Variants in TSHR observed in about 807,000 individuals in gnomAD.
The protein encoded by TSHR is thyroid stimulating hormone receptor, also known as thyrotropin receptor.
A neutral mutation model predicts 64.1 loss-of-function variants in TSHR; 51 were observed. That is an observed-to-expected ratio of 0.80 (90% CI 0.64 to 1.01). The LOEUF (loss-of-function observed/expected upper bound fraction) is 1.01, where lower values mean the gene tolerates loss of function less well. Ranked by LOEUF, TSHR falls within the 50% of genes least tolerant of loss-of-function variation. The probability of loss-of-function intolerance (pLI) is 0.00; values close to 1 mark genes in which losing one functional copy is unlikely to be tolerated. For synonymous variants in TSHR, 361 were observed against 361.9 expected (o/e 1.00, Z 0.03); for missense variants, 877 against 942.8 (o/e 0.93, Z 0.91).
intron 1 of TSHR, among the ~76,000 whole-genome samples, chr14:80,980,866 A>G (rs1888130149): frequency 6.6e-6 from 1 of 152,152 alleles, no homozygotes; most frequent in Non-Finnish European, 1.5e-5. Flanking sequence ...CCAGGCCACT[A>G]TTCTTCAGCT....
chr14:80,981,574 G>A (rs1888171953), intron 1 of TSHR, among the ~76,000 whole-genome samples: 1 of 152,138 alleles, frequency 6.6e-6, no homozygotes, highest in Admixed American at 6.5e-5. Flanking sequence ...ATGTGAGCAG[G>A]CTGACATAGG....
rs1240983406 is a variant in TSHR, at chr14:81,143,519, C to G, written c.1461C>G (p.Asp487Glu). The G allele has an allele frequency of 6.2e-7, 1 of 1,613,768 alleles. No individual in the cohort carries two copies. Reference sequence around the variant, plus strand: ...CTGAGTACTACAACCATGCCATCGACTGGCAGACAGGCCCTGGGTGCAACA... The same window carrying G: ...CTGAGTACTACAACCATGCCATCGAGTGGCAGACAGGCCCTGGGTGCAACA... Reference protein sequence around the residue: ...THSEYYNHAIDWQTGPGCNTA... With the variant: ...THSEYYNHAIEWQTGPGCNTA... Residue 487 changes from aspartate (D) to glutamate (E), a missense_variant, in exon 10 of 10, where the codon GAC (aspartate) becomes GAG (glutamate). Coordinates refer to ENST00000298171, the MANE Select transcript of TSHR (RefSeq NM_000369.5).
intron 1 of TSHR, among the ~76,000 whole-genome samples, chr14:81,020,446 G>A (rs561897338): frequency 5.3e-5 from 8 of 152,296 alleles, no homozygotes; most frequent in African/African-American, 1.4e-4. Flanking sequence ...CAGATCAGCA[G>A]TGGCATTAGA....
chr14:80,965,289 A>G (rs1887244812), intron 1 of TSHR, among the ~76,000 whole-genome samples: 2 of 152,200 alleles, frequency 1.3e-5, no homozygotes, highest in Non-Finnish European at 2.9e-5. Flanking sequence ...TGCATTTATG[A>G]GAACAGTTTG....
intron 1 of TSHR, among the ~76,000 whole-genome samples, chr14:81,029,310 G>A (rs893878796): frequency 6.6e-6 from 1 of 151,760 alleles, no homozygotes; most frequent in Non-Finnish European, 1.5e-5. Context: ...TTAACTCAGT[G>A]TTATAAAACT....
intron 1 of TSHR, among the ~76,000 whole-genome samples, chr14:80,990,384 C>G (rs1401169496): frequency 1.3e-5 from 2 of 152,164 alleles, no homozygotes; most frequent in African/African-American, 2.4e-5. Flanking sequence ...TTTTTCCCAC[C>G]GATCAAAGTT....
chr14:81,005,753 AT>A (rs1263420491), intron 1 of TSHR, among the ~76,000 whole-genome samples: 1 of 152,194 alleles, frequency 6.6e-6, no homozygotes, highest in Non-Finnish European at 1.5e-5. Context: ...GTTTTCGGGT[AT>A]GACGTCAGTA....
At chr14:81,031,657 G>A (rs1310020812) in intron 1 of TSHR, among the ~76,000 whole-genome samples, 1 of 152,200 alleles carries the variant, frequency 6.6e-6, no homozygotes. Flanking sequence ...TAACCACAGA[G>A]GCAGTGGATC....
intron 1 of TSHR, among the ~76,000 whole-genome samples, chr14:80,991,348 G>A (rs1457912049): frequency 1.3e-5 from 2 of 152,142 alleles, no homozygotes; most frequent in South Asian, 2.1e-4. Flanking sequence ...CACCCTTCAA[G>A]AGCCTCTGAA....
chr14:81,043,256 A>T (rs1885009290), intron 1 of TSHR, among the ~76,000 whole-genome samples: 1 of 152,204 alleles, frequency 6.6e-6, no homozygotes, highest in Non-Finnish European at 1.5e-5. Context: ...ATATAAAATC[A>T]ATATTCAAAA....
At chr14:81,108,227 C>G in intron 7 of TSHR, 148 bp from the exon 8 acceptor site, 1 of 704,270 alleles carries the variant, frequency 1.4e-6, no homozygotes, top group Non-Finnish European at 2.4e-6. Context: ...TTTAAGTGCT[C>G]AAGCCAGAAG....
At chr14:81,072,048 C>A (rs909947809) in intron 3 of TSHR, among the ~76,000 whole-genome samples, 2 of 152,140 alleles carry the variant, frequency 1.3e-5, no homozygotes, top group African/African-American at 4.8e-5. Context: ...CAGTGAGCAA[C>A]CATCAATGAC....
intron 1 of TSHR, among the ~76,000 whole-genome samples, chr14:80,997,830 T>C (rs1889104065): frequency 6.6e-6 from 1 of 152,248 alleles, no homozygotes; most frequent in African/African-American, 2.4e-5. Context: ...ATCTGCCTAC[T>C]TCCCAATCCC....
At chr14:80,977,207 G>T (rs1029923686) in intron 1 of TSHR, among the ~76,000 whole-genome samples, 4 of 152,222 alleles carry the variant, frequency 2.6e-5, no homozygotes, top group Non-Finnish European at 5.9e-5. Flanking sequence ...TAGTAGTGCT[G>T]CCTGGGACTT....
At chr14:81,080,637 T>A (rs927713795) in intron 3 of TSHR, among the ~76,000 whole-genome samples, 1 of 152,218 alleles carries the variant, frequency 6.6e-6, no homozygotes, top group African/African-American at 2.4e-5. Context: ...CTTTTGGTTA[T>A]AGATTATTTC....
intron 8 of TSHR, among the ~76,000 whole-genome samples, chr14:81,124,113 T>G (rs1315474940): frequency 1.3e-5 from 2 of 152,218 alleles, no homozygotes; most frequent in Non-Finnish European, 2.9e-5. Flanking sequence ...GAGTTTTCAT[T>G]ACAGGTATCA....
chr14:80,998,625 A>G (rs1889145106), intron 1 of TSHR, among the ~76,000 whole-genome samples: 1 of 152,042 alleles, frequency 6.6e-6, no homozygotes, highest in African/African-American at 2.4e-5. Flanking sequence ...AAGAAACTGG[A>G]ATGGCTAATC....
intron 1 of TSHR, among the ~76,000 whole-genome samples, chr14:81,061,123 T>C (rs1156976599): frequency 6.6e-6 from 1 of 152,178 alleles, no homozygotes; most frequent in Non-Finnish European, 1.5e-5. Flanking sequence ...AGCATGTAGA[T>C]GATAAGATCA....
intron 8 of TSHR, among the ~76,000 whole-genome samples, chr14:81,123,444 C>T (rs919799980): frequency 2.0e-5 from 3 of 152,140 alleles, no homozygotes; most frequent in African/African-American, 7.2e-5. Context: ...GTGTCTTATA[C>T]TTTTTATAAC....
Sources: allele counts gnomAD v4.1 joint callset (sites outside exome capture counted in the v4.1 genomes callset), GRCh38; gene constraint gnomAD v4.1.1; transcripts MANE v1.5; gene names NCBI Gene and HGNC (gene_info 2026-07-23, HGNC 2026-07-21).